ISY1: variants seen among roughly 807,000 people sequenced by gnomAD.
ISY1 encodes the protein ISY1 spliceosome associated protein.
Under a neutral mutation model 54.4 loss-of-function variants are expected in ISY1, and 12 were observed. That is an observed-to-expected ratio of 0.22 (90% CI 0.14 to 0.36). The LOEUF (loss-of-function observed/expected upper bound fraction) is 0.36, where lower values mean the gene tolerates loss of function less well. Ranked by LOEUF, ISY1 falls within the 10% of genes least tolerant of loss-of-function variation. The pLI is 1.00. For synonymous variants in ISY1, 96 were observed against 117.9 expected, an observed-to-expected ratio of 0.81 and a Z score of 1.20; for missense variants, 282 against 342.2, an observed-to-expected ratio of 0.82 and a Z score of 1.39.
intron 6 of ISY1, among the ~76,000 whole-genome samples, chr3:129,145,223 CATT>C (rs1560018544): frequency 1.8e-5 from 1 of 56,974 alleles, no homozygotes; most frequent in Non-Finnish European, 3.7e-5. Context: ...GGACCATAGT[CATT>C]TTTTTTTTTT....
chr3:129,153,701 G>C (rs546667651), intron 5 of ISY1, among the ~76,000 whole-genome samples: 1 of 152,104 alleles, frequency 6.6e-6, no homozygotes, highest in South Asian at 2.1e-4. Flanking sequence ...CAGGAGATTC[G>C]CTTGAACCCG....
chr3:129,142,572 G>T (rs367806067), intron 6 of ISY1, among the ~76,000 whole-genome samples: 5 of 152,182 alleles, frequency 3.3e-5, no homozygotes, highest in African/African-American at 9.7e-5. Flanking sequence ...AAAGTTCTCT[G>T]TATATTTTTG....
At chr3:129,156,517 T>C (rs1361725696) in intron 5 of ISY1, 116 bp downstream of exon 5, 2 of 1,068,302 alleles carry the variant, frequency 1.9e-6, no homozygotes, top group Non-Finnish European at 2.8e-6. Context: ...CTCTTCTATG[T>C]CCTTACTGAT....
chr3:129,153,624 A>G (rs1937041880), intron 5 of ISY1, among the ~76,000 whole-genome samples: 4 of 151,608 alleles, frequency 2.6e-5, no homozygotes, highest in Non-Finnish European at 5.9e-5. Context: ...TCTACTAAAA[A>G]TACAAAAAAA....
chr3:129,140,538 A>AT lies in ISY1; in HGVS notation c.301-54dup. On this transcript the variant is annotated intron_variant, in intron 6 of 10. Transcript: ENST00000393295. ...GGATCTGTTAGTTAGTTAGTTAGTT[A>AT]TTATTTATTTATTTATTTGAGGCGG... 4.6e-6 allele frequency: 7 copies of AT among 1,517,192 alleles called. No individual in the cohort carries two copies. In the South Asian group the frequency reaches 7.3e-5, roughly 16 times the overall value. The allele number at this position is 1,517,192 out of a possible 1,614,324, so 94.0% of individuals were successfully genotyped here.
chr3:129,156,751 A>C, intron 4 of ISY1, 76 bp from the exon 5 acceptor site: 2 of 1,554,496 alleles, frequency 1.3e-6, no homozygotes, highest in Non-Finnish European at 8.7e-7. Context: ...ATTCAAAATT[A>C]GTATTTAAAA....
chr3:129,142,373 C>T (rs1479928099), intron 6 of ISY1, among the ~76,000 whole-genome samples: 1 of 152,082 alleles, frequency 6.6e-6, no homozygotes, highest in Non-Finnish European at 1.5e-5. Context: ...AACTTGATAG[C>T]TCTACCATGG....
chr3:129,159,997 G>A (rs1195056161), intron 1 of ISY1, among the ~76,000 whole-genome samples: 1 of 151,968 alleles, frequency 6.6e-6, no homozygotes, highest in African/African-American at 2.4e-5. Flanking sequence ...AGTAATTTGG[G>A]ATATACCTTC....
At chr3:129,158,622 C>T in intron 2 of ISY1, 63 bp from the exon 3 acceptor site, 1 of 1,607,762 alleles carries the variant, frequency 6.2e-7, no homozygotes, top group Non-Finnish European at 8.5e-7. Flanking sequence ...TTCTCATTAC[C>T]CATGTTCCTG....
intron 7 of ISY1, among the ~76,000 whole-genome samples, chr3:129,138,599 G>T (rs1044034781): frequency 6.6e-6 from 1 of 151,870 alleles, no homozygotes; most frequent in Non-Finnish European, 1.5e-5. Flanking sequence ...AGCCAAGATT[G>T]GGCCACTGTA....
At chr3:129,139,092 C>T (rs919538609) in intron 7 of ISY1, among the ~76,000 whole-genome samples, 55 of 151,650 alleles carry the variant, frequency 3.6e-4, no homozygotes, top group African/African-American at 1.3e-3. Context: ...CTGCCATATG[C>T]CCAGCTAATT....
At position 129,130,561 on chromosome 3, in the gene ISY1, A is replaced by G; in HGVS notation, c.739T>C (p.Ser247Pro). Reference sequence around the variant, plus strand: ...AGCTGTGGTCCTACCTCTTGCTGCGAGGGAACAGGGACGTGAGCAATGAAC... The same window carrying G: ...AGCTGTGGTCCTACCTCTTGCTGCGGGGGAACAGGGACGTGAGCAATGAAC... Reference protein sequence around the residue: ...QKFIAHVPVPSQQEIEEALVR... With the variant: ...QKFIAHVPVPPQQEIEEALVR... Residue 247 changes from serine (S) to proline (P), a missense_variant, in exon 10 of 11, where the codon TCG becomes CCG. Around this residue, in one of 2 missense-constraint regions of ISY1, gnomAD observed 279 missense variants for 323.6 expected, o/e 0.86. Coordinates refer to ENST00000393295, the MANE Select transcript of ISY1 (RefSeq NM_020701.4). 6.2e-7 allele frequency: 1 copy of G among 1,614,122 alleles called. No homozygotes were observed. The highest frequency in any genetic ancestry group is 8.5e-7 in the Non-Finnish European group (1 of 1,180,008).
chr3:129,147,883 G>T (rs931201124), intron 5 of ISY1, among the ~76,000 whole-genome samples: 2 of 152,058 alleles, frequency 1.3e-5, no homozygotes, highest in Admixed American at 6.5e-5. Flanking sequence ...AAATTATGCA[G>T]TATTTTGAGT....
intron 6 of ISY1, among the ~76,000 whole-genome samples, chr3:129,141,234 A>T (rs931025804): frequency 7.3e-6 from 1 of 136,882 alleles, no homozygotes; most frequent in African/African-American, 3.3e-5. Context: ...AATAAATAAA[A>T]AACACTTATG....
chr3:129,148,450 T>A (rs374663101), intron 5 of ISY1, among the ~76,000 whole-genome samples: 1 of 152,260 alleles, frequency 6.6e-6, no homozygotes, highest in Non-Finnish European at 1.5e-5. Flanking sequence ...GCACTTGGCA[T>A]GGTCACTATT....
chr3:129,151,342 A>G (rs1936962760), intron 5 of ISY1, among the ~76,000 whole-genome samples: 1 of 151,190 alleles, frequency 6.6e-6, no homozygotes, highest in Admixed American at 6.6e-5. Context: ...ATTATGTAGG[A>G]TTTTAGGTGG....
intron 6 of ISY1, among the ~76,000 whole-genome samples, 172 bp downstream of exon 6, chr3:129,145,589 T>C (rs1014301484): frequency 2.0e-5 from 3 of 152,180 alleles, no homozygotes; most frequent in Non-Finnish European, 2.9e-5. Context: ...GGCTGGTACA[T>C]ACAGATGCCC....
chr3:129,152,262 T>C (rs970009408), intron 5 of ISY1, among the ~76,000 whole-genome samples: 3 of 152,248 alleles, frequency 2.0e-5, no homozygotes, highest in Non-Finnish European at 4.4e-5. Context: ...CAAATACTTT[T>C]TCTGCATCTA....
chr3:129,130,810 G>T, intron 9 of ISY1, 174 bp from the exon 10 acceptor site: 1 of 631,064 alleles, frequency 1.6e-6, no homozygotes, highest in Non-Finnish European at 2.6e-6. Flanking sequence ...CATAGAACAC[G>T]CTGTATATTA....
Sources: gnomAD v4.1 joint callset for allele counts (sites outside exome capture counted in the v4.1 genomes callset) on GRCh38, gnomAD v4.1.1 for gene constraint, gnomAD v4.1.1 regional missense constraint, MANE v1.5 for transcripts, NCBI Gene and HGNC (gene_info 2026-07-23, HGNC 2026-07-21) for gene names.